Variants in NOL7 observed in about 807,000 individuals in gnomAD.
NOL7 encodes nucleolar protein 7, also known as U3 small nucleolar RNA-associated protein NOL7.
Under a neutral mutation model 38.4 loss-of-function variants are expected in NOL7, and 36 were observed. The observed-to-expected ratio is 0.94, with a 90% CI of 0.72 to 1.24. The LOEUF is 1.24. Among genes scored for constraint, NOL7 ranks in the 50% most tolerant of loss-of-function variants. The probability of loss-of-function intolerance (pLI) is 0.00; values close to 1 mark genes in which losing one functional copy is unlikely to be tolerated. For synonymous variants in NOL7, 142 were observed against 126.5 expected, an observed-to-expected ratio of 1.12 and a Z score of -0.82; for missense variants, 350 against 315.1, an observed-to-expected ratio of 1.11 and a Z score of -0.84.
downstream of NOL7, among the ~76,000 whole-genome samples, chr6:13,623,016 A>T (rs1159063822): frequency 1.3e-5 from 2 of 151,780 alleles, no homozygotes; most frequent in African/African-American, 4.9e-5. Context: ...GGTGACAGTG[A>T]GAGAACATAC....
rs1764399556 is a variant in NOL7, at chr6:13,620,110, C to CG, written c.501-97dup. ...CAGAAGTTGCAGTGAGCTGAGATCGCGCAGCCTGGGTGACAGAGCGAGACT... is the reference window on the plus strand; with the variant it reads ...CAGAAGTTGCAGTGAGCTGAGATCGCGGCAGCCTGGGTGACAGAGCGAGACT... On this transcript the variant is annotated intron_variant, in intron 5 of 7. Transcript: ENST00000451315. The CG allele has an allele frequency of 2.2e-6, 3 of 1,361,638 alleles. No homozygotes were observed. In the East Asian group the frequency reaches 7.3e-5, roughly 33 times the overall value. 84.3% of individuals were successfully genotyped at this position (1,361,638 alleles called of 1,614,324 possible). A position where few individuals can be genotyped will look rare whatever the true frequency, so the allele number is the denominator to read the frequency against.
chr6:13,616,021 G>A (rs755645869), intron 2 of NOL7, among the ~76,000 whole-genome samples: 17 of 152,082 alleles, frequency 1.1e-4, no homozygotes, highest in South Asian at 2.1e-4. Flanking sequence ...GGGCGACAGA[G>A]CGAGACCCTG....
chr6:13,621,068 C>CG lies in NOL7; in HGVS notation c.*241_*242insG. The CG allele has an allele frequency of 3.7e-6, 1 of 269,436 alleles. No individual in the cohort carries two copies. Among genetic ancestry groups the CG allele is most frequent in the Non-Finnish European group, 7.1e-6 (1 of 140,792 alleles). 16.7% of individuals were successfully genotyped at this position (269,436 alleles called of 1,614,324 possible). ...ATTCAAGCCATACCCACATCAGCAA[C>CG]AGCACCTCTTCTACTCTCCCCGGGT... On this transcript the variant is annotated 3_prime_UTR_variant, in exon 8 of 8. Transcript: ENST00000451315.
In NOL7 at chr6:13,627,486, C is replaced by G. The variant is rs748632482; in HGVS notation, n.574-4907C>G. On this transcript the variant is annotated intron_variant and non_coding_transcript_variant, in intron 8 of 8. Transcript: ENST00000474485. ...CTCCACTAAAAATACAAAAATTAGT[C>G]AGGCATGGTGGTGCATGCCTCTAAT... Among the ~76,000 whole-genome samples the G allele has an allele frequency of 1.3e-5, 2 of 149,348 alleles. 1 individual carries two copies. The highest frequency in any genetic ancestry group is 6.8e-3 in the Middle Eastern group (2 of 294).
At chr6:13,619,628 C>T (rs1484819878) in intron 5 of NOL7, among the ~76,000 whole-genome samples, 1 of 152,194 alleles carries the variant, frequency 6.6e-6, no homozygotes, top group Admixed American at 6.5e-5. Flanking sequence ...TTCCTGTTAA[C>T]TAATGTTTTG....
chr6:13,618,618 G>C (rs1442199948), intron 5 of NOL7, among the ~76,000 whole-genome samples: 2 of 152,162 alleles, frequency 1.3e-5, no homozygotes, highest in Non-Finnish European at 2.9e-5. Flanking sequence ...GGCCGGGCAT[G>C]TTTGCTTACA....
intron 8 of NOL7, among the ~76,000 whole-genome samples, chr6:13,627,257 T>G (rs116532404): frequency 6.6e-6 from 1 of 152,212 alleles, no homozygotes; most frequent in Admixed American, 6.5e-5. Context: ...TTCCCGCCCC[T>G]AACCCAACCC....
intron 8 of NOL7, among the ~76,000 whole-genome samples, chr6:13,626,946 T>C (rs1281234308): frequency 1.3e-5 from 2 of 152,136 alleles, no homozygotes; most frequent in African/African-American, 4.8e-5. Flanking sequence ...GAATAACCCA[T>C]GAAGAAATGC....
downstream of NOL7, chr6:13,622,639 G>T: frequency 1.2e-6 from 1 of 821,568 alleles, no homozygotes; most frequent in South Asian, 2.8e-5. Context: ...CTAAGCAAAA[G>T]ACAGATGCCG....
At chr6:13,616,542 T>C in intron 3 of NOL7, 21 bp downstream of exon 3, 2 of 1,532,578 alleles carry the variant, frequency 1.3e-6, no homozygotes, top group Non-Finnish European at 1.8e-6. Flanking sequence ...GATCTTTTTA[T>C]ATTACTTGCT....
intron 8 of NOL7, among the ~76,000 whole-genome samples, chr6:13,627,562 G>A (rs983393535): frequency 2.0e-5 from 3 of 149,470 alleles, no homozygotes; most frequent in East Asian, 2.0e-4. Flanking sequence ...CCCAGTAGGC[G>A]GAGGCTGCAG....
rs1389328737 is a variant in NOL7 at position 13,616,481 on chromosome 6, G to A, written c.346G>A (p.Asp116Asn). ...IEQKKRKLLP[D>N]TILEKLTTAS... ...CCAAAAGAAAAGAAAACTCCTTCCA[G>A]ACACTATTTTGGAGAAGTTAACCAC... The change falls in exon 3 of 8, where the codon GAC becomes AAC. Residue 116 changes from aspartate to asparagine, a missense_variant. Transcript: ENST00000451315. 1.2e-6 allele frequency: 2 copies of A among 1,608,270 alleles called. No homozygotes were observed. Among genetic ancestry groups the A allele is most frequent in the South Asian group, 2.2e-5 (2 of 89,792 alleles).
chr6:13,617,451 T>C (rs1235738920), intron 3 of NOL7, among the ~76,000 whole-genome samples: 3 of 152,374 alleles, frequency 2.0e-5, no homozygotes, highest in Admixed American at 2.0e-4. Flanking sequence ...CCCATTCACT[T>C]CATATTTCAA....
downstream of NOL7, among the ~76,000 whole-genome samples, chr6:13,626,308 A>G (rs1764601010): frequency 6.6e-6 from 1 of 152,216 alleles, no homozygotes; most frequent in Non-Finnish European, 1.5e-5. Context: ...AAAACTTAAA[A>G]TGACTGACAG....
chr6:13,624,070 C>T (rs1036964173), downstream of NOL7, among the ~76,000 whole-genome samples: 7 of 152,276 alleles, frequency 4.6e-5, no homozygotes, highest in East Asian at 3.9e-4. Context: ...CTTTTACCAA[C>T]GGAGCTAAAT....
At chr6:13,618,921 A>T (rs962027675) in intron 5 of NOL7, among the ~76,000 whole-genome samples, 2 of 152,238 alleles carry the variant, frequency 1.3e-5, no homozygotes, top group African/African-American at 4.8e-5. Context: ...TAAAAAAATA[A>T]AGATCAGTTG....
chr6:13,618,317 G>A (rs536630795), intron 5 of NOL7, 178 bp downstream of exon 5: 47 of 200,682 alleles, frequency 2.3e-4, no homozygotes, highest in Non-Finnish European at 4.4e-4. Flanking sequence ...GCGCAATCTC[G>A]GCTCACTGCA....
intron 2 of NOL7, among the ~76,000 whole-genome samples, chr6:13,615,978 T>A (rs1355533436): frequency 6.6e-6 from 1 of 151,064 alleles, no homozygotes; most frequent in East Asian, 2.0e-4. Context: ...CGAGGCTGCC[T>A]GGAGCCGAGA....
intron 8 of NOL7, among the ~76,000 whole-genome samples, chr6:13,630,999 C>T (rs1017002858): frequency 6.6e-6 from 1 of 151,960 alleles, no homozygotes; most frequent in Non-Finnish European, 1.5e-5. Context: ...TTAGTAGAGA[C>T]GGGGTTTCAC....
Sources: allele counts gnomAD v4.1 joint callset (sites outside exome capture counted in the v4.1 genomes callset), GRCh38; gene constraint gnomAD v4.1.1; transcripts MANE v1.5; gene names NCBI Gene and HGNC (gene_info 2026-07-23, HGNC 2026-07-21).